The following NCF2 variants were observed in gnomAD, a reference collection of about 807,000 sequenced individuals.
NCF2 encodes the protein neutrophil cytosol factor 2.
Under a neutral mutation model 70.9 loss-of-function variants are expected in NCF2, and 45 were observed. The ratio of observed to expected loss-of-function variants is 0.63; its 90% CI spans 0.50 to 0.81. NCF2 has a LOEUF of 0.81. NCF2 is among the 40% of genes least tolerant of loss of function. NCF2 has a pLI of 0.00. For missense variants in NCF2, 522 were observed against 631.6 expected, an observed-to-expected ratio of 0.83 and a Z score of 1.86; for synonymous variants, 203 against 233.6, an observed-to-expected ratio of 0.87 and a Z score of 1.19.
chr1:183,590,451 G>A lies in NCF2; in HGVS notation c.-122C>T. ...AAGGTGTTCACTTTCTGGGCCAGAT[G>A]AGTAGAATGGGGCCCAGCCTCCCTT... On this transcript the variant is annotated 5_prime_UTR_variant, in exon 1 of 15. Coordinates refer to ENST00000367535, the MANE Select transcript of NCF2 (RefSeq NM_000433.4). 1 of 1,018,400 alleles carries A rather than the reference G, an allele frequency of 9.8e-7. No individual in the cohort carries two copies. The highest frequency in any genetic ancestry group is 1.5e-6 in the Non-Finnish European group (1 of 658,942). The allele number at this position is 1,018,400 out of a possible 1,614,324, so 63.1% of individuals were successfully genotyped here. A position where few individuals can be genotyped will look rare whatever the true frequency, so the allele number is the denominator to read the frequency against.
chr1:183,573,482 G>A (rs1053170754), intron 4 of NCF2, among the ~76,000 whole-genome samples, 190 bp from the exon 5 acceptor site: 1 of 152,126 alleles, frequency 6.6e-6, no homozygotes, highest in East Asian at 1.9e-4. Flanking sequence ...CTTCTGCTGC[G>A]AGGCCACATG....
rs752901695 is a variant in NCF2, at chr1:183,586,923, G to A, written c.229C>T (p.Arg77Ter). Residue 77 changes from arginine (R) to a stop codon, truncating the protein, a stop_gained, in exon 2 of 15, where the codon CGA becomes TGA. Coordinates refer to ENST00000367535, the MANE Select transcript of NCF2 (RefSeq NM_000433.4). LOFTEE classifies it high-confidence loss of function. ...TCTGTCTGGTAGTAGAGCATCCCTC[G>A]TTGGAAGTAAGCCACTGCCAAGTGC... ...DKHLAVAYFQ[R>*]GMLYYQTEKY... 40 of 1,613,928 alleles carry A rather than the reference G, an allele frequency of 2.5e-5. No homozygotes were observed. Among genetic ancestry groups the A allele is most frequent in the Non-Finnish European group, 3.2e-5 (38 of 1,179,958 alleles).
chr1:183,559,818 C>T (rs1270905729), intron 14 of NCF2, among the ~76,000 whole-genome samples: 3 of 152,178 alleles, frequency 2.0e-5, no homozygotes, highest in South Asian at 2.1e-4. Context: ...GAGATTGTGC[C>T]ACTGCACTCC....
intron 3 of NCF2, 78 bp from the exon 4 acceptor site, chr1:183,574,699 T>G (rs1672721627): frequency 1.3e-6 from 2 of 1,542,100 alleles, no homozygotes; most frequent in African/African-American, 1.4e-5. Context: ...ACACGTATAC[T>G]CTGAGAATGT....
At chr1:183,583,734 G>A (rs764941884) in intron 2 of NCF2, among the ~76,000 whole-genome samples, 3 of 152,242 alleles carry the variant, frequency 2.0e-5, no homozygotes, top group Non-Finnish European at 4.4e-5. Flanking sequence ...TGCCTTAGTG[G>A]TTGGGCATGG....
At chr1:183,567,672 G>C (rs1001075505) in intron 7 of NCF2, among the ~76,000 whole-genome samples, 2 of 152,214 alleles carry the variant, frequency 1.3e-5, no homozygotes, top group Non-Finnish European at 2.9e-5. Context: ...CAGCACCCAA[G>C]GCTGGGCTGG....
intron 14 of NCF2, among the ~76,000 whole-genome samples, chr1:183,556,540 C>A (rs1337570691): frequency 6.6e-6 from 1 of 152,094 alleles, no homozygotes; most frequent in Non-Finnish European, 1.5e-5. Context: ...TGTCCTTTCC[C>A]CACCCCCAAC....
intron 1 of NCF2, among the ~76,000 whole-genome samples, chr1:183,587,559 A>T (rs2102936085): frequency 7.6e-6 from 1 of 131,060 alleles, no homozygotes; most frequent in African/African-American, 2.8e-5. Flanking sequence ...GCACCACTGC[A>T]CTCCAGCCTG....
chr1:183,581,489 TTTTA>T (rs1558103544), intron 2 of NCF2, among the ~76,000 whole-genome samples: 1 of 151,458 alleles, frequency 6.6e-6, no homozygotes, highest in East Asian at 2.0e-4. Context: ...AGATTACTTA[TTTTA>T]TTTATTAATT....
intron 2 of NCF2, among the ~76,000 whole-genome samples, chr1:183,585,962 G>T (rs984222530): frequency 6.6e-5 from 10 of 152,214 alleles, no homozygotes; most frequent in Non-Finnish European, 1.5e-4. Context: ...ATAACATTTT[G>T]ATCTATGGCC....
In NCF2 at chr1:183,569,270, A is replaced by G. The variant is rs530584547; in HGVS notation, c.670-85T>C. On this transcript the variant is annotated intron_variant, in intron 6 of 14. Transcript: ENST00000367535. ...ACAACAAACGGCTAATGGTAATTTG[A>G]GCATTCTTCCAGACCAGAAAATCAA... 24 of 1,245,566 alleles carry G rather than the reference A, an allele frequency of 1.9e-5. No homozygotes were observed. The East Asian group carries it at 5.3e-4, about 28-fold the overall frequency. 77.2% of individuals were successfully genotyped at this position (1,245,566 alleles called of 1,614,324 possible).
At position 183,577,639 on chromosome 1, in the gene NCF2, T is replaced by C; in HGVS notation, c.326A>G (p.Tyr109Cys). The C allele has an allele frequency of 3.7e-6, 6 of 1,614,154 alleles. No individual in the cohort carries two copies. The highest frequency in any genetic ancestry group is 1.1e-5 in the South Asian group (1 of 91,082). ...IQLRGNQLID[Y>C]KILGLQFKLF... ...CTTGAACTGGAGCCCCAGGATCTTA[T>C]AGTCTATCAGCTGGTTCCCTCGAAG... is the stretch of plus-strand genomic sequence containing the variant. Residue 109 changes from tyrosine (Y) to cysteine (C), a missense_variant, in exon 3 of 15, where the codon TAT becomes TGT. By Grantham distance (194) the Tyr-to-Cys change is radical. Coordinates refer to ENST00000367535, the MANE Select transcript of NCF2 (RefSeq NM_000433.4).
chr1:183,591,764 C>G (rs1673662635), upstream of NCF2, among the ~76,000 whole-genome samples: 1 of 152,292 alleles, frequency 6.6e-6, no homozygotes, highest in East Asian at 1.9e-4. Flanking sequence ...GCTGGGATTA[C>G]AGGAGTGAGC....
At chr1:183,601,310 G>C in the NCF2 span, among the ~76,000 whole-genome samples, 4 of 152,200 alleles carry the variant, frequency 2.6e-5, no homozygotes, top group African/African-American at 9.6e-5. Flanking sequence ...ATTTTCTGTC[G>C]TATAATGAGT....
At chr1:183,578,202 T>C (rs1157188178) in intron 2 of NCF2, among the ~76,000 whole-genome samples, 1 of 152,194 alleles carries the variant, frequency 6.6e-6, no homozygotes, top group Non-Finnish European at 1.5e-5. Context: ...ATCACCCTCC[T>C]GCCCACTGCC....
intron 2 of NCF2, among the ~76,000 whole-genome samples, chr1:183,581,711 C>T (rs1029827941): frequency 2.6e-5 from 4 of 151,724 alleles, no homozygotes; most frequent in African/African-American, 4.8e-5. Flanking sequence ...CTCTGTTGCC[C>T]TGGCTGGAGT....
intron 3 of NCF2, 98 bp downstream of exon 3, chr1:183,577,501 G>T: frequency 1.0e-6 from 1 of 1,000,026 alleles, no homozygotes; most frequent in Non-Finnish European, 1.6e-6. Flanking sequence ...GCTTTTCCAA[G>T]CTCCTGGAGG....
chr1:183,570,700 C>A, intron 6 of NCF2, 80 bp downstream of exon 6: 1 of 1,465,730 alleles, frequency 6.8e-7, no homozygotes, highest in Admixed American at 1.7e-5. Context: ...GGCAACTCAG[C>A]ACACATAGTC....
At chr1:183,564,994 T>C (rs1672239314) in intron 10 of NCF2, among the ~76,000 whole-genome samples, 1 of 152,030 alleles carries the variant, frequency 6.6e-6, no homozygotes, top group South Asian at 2.1e-4. Context: ...AATTGGTGAG[T>C]TTAAGTGAAA....
Sources: allele counts gnomAD v4.1 joint callset (sites outside exome capture counted in the v4.1 genomes callset), GRCh38; gene constraint gnomAD v4.1.1; transcripts MANE v1.5; gene names NCBI Gene and HGNC (gene_info 2026-07-23, HGNC 2026-07-21).